Variants in CLEC16A observed in about 807,000 individuals in gnomAD.
CLEC16A encodes C-type lectin domain containing 16A, also known as protein CLEC16A.
A neutral mutation model predicts 109.5 loss-of-function variants in CLEC16A; 51 were observed. The ratio of observed to expected loss-of-function variants is 0.47; its 90% CI spans 0.37 to 0.59. The LOEUF (loss-of-function observed/expected upper bound fraction) is 0.59, where lower values mean the gene tolerates loss of function less well. Among genes scored for constraint, CLEC16A ranks in the 20% least tolerant of loss-of-function variants. CLEC16A has a pLI of 0.00. For missense variants in CLEC16A, 1,339 were observed against 1,394.0 expected (o/e 0.96, Z 0.63); for synonymous variants, 673 against 564.2 (o/e 1.19, Z -2.73).
intron 3 of CLEC16A, among the ~76,000 whole-genome samples, chr16:10,966,209 A>G (rs1286835730): frequency 1.3e-5 from 2 of 152,218 alleles, no homozygotes; most frequent in Non-Finnish European, 2.9e-5. Flanking sequence ...AAAGAAAAGA[A>G]AAAGGAAAAG....
intron 23 of CLEC16A, among the ~76,000 whole-genome samples, chr16:11,176,480 A>T (rs1405212408): frequency 6.6e-6 from 1 of 152,164 alleles, no homozygotes; most frequent in Non-Finnish European, 1.5e-5. Flanking sequence ...ACACCTGTGC[A>T]CATCCCAGCA....
intron 22 of CLEC16A, among the ~76,000 whole-genome samples, chr16:11,141,301 C>T (rs766386856): frequency 7.9e-5 from 12 of 152,252 alleles, no homozygotes; most frequent in Non-Finnish European, 1.5e-4. Context: ...TTCCTTCTTC[C>T]AGCCAGTGCA....
At position 10,964,104 on chromosome 16, in the gene CLEC16A, G is replaced by T. The variant is rs564980958; in HGVS notation, c.343+1516G>T. Among the ~76,000 whole-genome samples the T allele has an allele frequency of 2.6e-5, 4 of 152,338 alleles. No individual in the cohort carries two copies. In the South Asian group the frequency reaches 8.3e-4, roughly 32 times the overall value. ...CCCAGGACAGGTCTGAAAAAAGTCT[G>T]CAGTGGGCAGAAAGAGGTAGAGATG... On this transcript the variant is annotated intron_variant, in intron 3 of 23. Coordinates refer to ENST00000409790, the MANE Select transcript of CLEC16A (RefSeq NM_015226.3).
intron 11 of CLEC16A, among the ~76,000 whole-genome samples, chr16:11,013,025 C>G (rs1597042732): frequency 6.6e-6 from 1 of 152,168 alleles, no homozygotes; most frequent in Admixed American, 6.5e-5. Flanking sequence ...CGCCCCCACA[C>G]TCACTCAGAC....
At chr16:11,093,647 G>T (rs2050441005) in intron 19 of CLEC16A, among the ~76,000 whole-genome samples, 1 of 152,192 alleles carries the variant, frequency 6.6e-6, no homozygotes, top group African/African-American at 2.4e-5. Context: ...GGCGCCGAGG[G>T]TGGGCAGATG....
At chr16:10,948,686 T>C (rs1250524634) in intron 1 of CLEC16A, among the ~76,000 whole-genome samples, 3 of 152,176 alleles carry the variant, frequency 2.0e-5, no homozygotes, top group Non-Finnish European at 2.9e-5. Flanking sequence ...CCAGCTAGAA[T>C]TGCCTTAAGC....
chr16:11,122,787 G>C (rs554532901), intron 20 of CLEC16A, among the ~76,000 whole-genome samples: 1 of 151,436 alleles, frequency 6.6e-6, no homozygotes, highest in Non-Finnish European at 1.5e-5. Context: ...CCGTTCTGAG[G>C]TTTTAGACTG....
intron 10 of CLEC16A, among the ~76,000 whole-genome samples, chr16:10,994,281 G>C (rs149990006): frequency 6.6e-6 from 1 of 152,312 alleles, no homozygotes; most frequent in Non-Finnish European, 1.5e-5. Context: ...TGATGTTGCA[G>C]CTGTGCATTC....
At chr16:10,945,388 C>T (rs2041303980) in intron 1 of CLEC16A, among the ~76,000 whole-genome samples, 1 of 152,146 alleles carries the variant, frequency 6.6e-6, no homozygotes, top group African/African-American at 2.4e-5. Flanking sequence ...AAGCTGGGGG[C>T]ATGCACGCTG....
Position 11,166,466 on chromosome 16 carries a change from G to A in CLEC16A, c.2720G>A (p.Ser907Asn), listed in dbSNP as rs750419988. The change falls in exon 23 of 24, where the codon AGC becomes AAC. Residue 907 changes from serine (S) to asparagine (N), a missense_variant. By Grantham distance (46) the Ser-to-Asn change is conservative. Around this residue, in one of 3 missense-constraint regions of CLEC16A, gnomAD observed 1,061 missense variants for 1,006.8 expected, o/e 1.05. Coordinates refer to ENST00000409790, the MANE Select transcript of CLEC16A (RefSeq NM_015226.3). The stretch of plus-strand genomic sequence containing the variant: ...CAGTCGCCACCCTCCGCCAGCGGGA[G>A]CCCCAGCGGCAGCGGGAGCACCAGC... ...SSQSPPSASGSPSGSGSTSHC... is the reference protein window; with the variant it reads ...SSQSPPSASGNPSGSGSTSHC... 4.4e-6 allele frequency: 7 copies of A among 1,608,258 alleles called. No individual in the cohort carries two copies. Among genetic ancestry groups the A allele is most frequent in the East Asian group, 2.2e-5 (1 of 44,868 alleles).
intron 19 of CLEC16A, among the ~76,000 whole-genome samples, chr16:11,078,354 C>T (rs1184552666): frequency 6.6e-6 from 1 of 152,162 alleles, no homozygotes; most frequent in African/African-American, 2.4e-5. Context: ...GTGTTGAGAA[C>T]CATGGGATTA....
Position 11,043,576 on chromosome 16 carries a change from T to C in CLEC16A, c.1771-452T>C, listed in dbSNP as rs147440352. On this transcript the variant is annotated intron_variant, in intron 15 of 23. Coordinates refer to ENST00000409790, the MANE Select transcript of CLEC16A (RefSeq NM_015226.3). ...TTCCTCTCTCTCTCATTAAGAACTA[T>C]TTTATAGGCCAGGCATGGTGGCTCG... 9.0e-3 allele frequency among the ~76,000 whole-genome samples: 1,368 copies of C among 152,198 alleles called. 26 individuals are homozygous for C. The highest frequency in any genetic ancestry group is 0.031 in the African/African-American group (1,296 of 41,532).
intron 22 of CLEC16A, among the ~76,000 whole-genome samples, chr16:11,147,245 T>G (rs1597561892): frequency 6.6e-6 from 1 of 152,246 alleles, no homozygotes; most frequent in South Asian, 2.1e-4. Flanking sequence ...CCTGGCCAGA[T>G]AAGGGGAGCT....
At position 11,044,242 on chromosome 16, in the gene CLEC16A, C is replaced by T. The variant is rs2047509625; in HGVS notation, c.1815+170C>T. 3 of 482,286 alleles carry T rather than the reference C, an allele frequency of 6.2e-6. No homozygotes were observed. The South Asian group carries it at 2.4e-4, about 38-fold the overall frequency. The allele number at this position is 482,286 out of a possible 1,614,324, so 29.9% of individuals were successfully genotyped here. A position where few individuals can be genotyped will look rare whatever the true frequency, so the allele number is the denominator to read the frequency against. On this transcript the variant is annotated intron_variant, in intron 16 of 23. Coordinates refer to ENST00000409790, the MANE Select transcript of CLEC16A (RefSeq NM_015226.3). ...AGTCCCTAGAGTAGCAATATCTAAA[C>T]TTTTCTGTCCAAGCTGTCTTATCAG...
intron 22 of CLEC16A, chr16:11,157,131 A>G (rs1218249257): frequency 3.1e-6 from 4 of 1,298,232 alleles, no homozygotes; most frequent in Non-Finnish European, 3.0e-6. Context: ...ATAAAGAGCT[A>G]TAGGCTAAAA....
rs546978691 is a variant in CLEC16A, at chr16:10,951,405, T to C, written c.81-6377T>C. ...TTTGGTGTTTTTTTAATTTATTTTT[T>C]GTGTGTTAGGCATTCATAACCTCAT... is the stretch of plus-strand genomic sequence containing the variant. On this transcript the variant is annotated intron_variant, in intron 1 of 23. Transcript: ENST00000409790. Among the ~76,000 whole-genome samples the C allele has an allele frequency of 3.3e-5, 5 of 152,376 alleles. No homozygotes were observed. In the East Asian group the frequency reaches 9.6e-4, roughly 29 times the overall value.
At chr16:10,955,704 A>G (rs1024712152) in intron 1 of CLEC16A, among the ~76,000 whole-genome samples, 6 of 152,184 alleles carry the variant, frequency 3.9e-5, no homozygotes, top group Admixed American at 3.9e-4. Context: ...ATTGACCAGG[A>G]GTATGATGTG....
Position 11,157,986 on chromosome 16 carries a change from C to T in CLEC16A, c.2642-8402C>T, listed in dbSNP as rs148414170. On this transcript the variant is annotated intron_variant, in intron 22 of 23. Coordinates refer to ENST00000409790, the MANE Select transcript of CLEC16A (RefSeq NM_015226.3). Reference sequence around the variant, plus strand: ...TCACCTGCAGATCTTTCTAGTAAGCCGCAATCTGTCCAGAGCCACCAGCAG... The same window carrying T: ...TCACCTGCAGATCTTTCTAGTAAGCTGCAATCTGTCCAGAGCCACCAGCAG... 5.3e-5 allele frequency among the ~76,000 whole-genome samples: 8 copies of T among 152,222 alleles called. No individual in the cohort carries two copies. The East Asian group carries it at 1.2e-3, about 22-fold the overall frequency.
chr16:11,045,610 G>T, intron 16 of CLEC16A, among the ~76,000 whole-genome samples: 1 of 152,124 alleles, frequency 6.6e-6, no homozygotes, highest in African/African-American at 2.4e-5. Context: ...TTCAGGGAAG[G>T]CTCATCACTC....
Sources: gnomAD v4.1 joint callset for allele counts (sites outside exome capture counted in the v4.1 genomes callset) on GRCh38, gnomAD v4.1.1 for gene constraint, gnomAD v4.1.1 regional missense constraint, MANE v1.5 for transcripts, NCBI Gene and HGNC (gene_info 2026-07-23, HGNC 2026-07-21) for gene names.